Variants in OTOP1 observed in about 807,000 individuals in gnomAD.
The protein encoded by OTOP1 is otopetrin 1.
OTOP1 carries 59 observed loss-of-function variants against 52.9 expected under a neutral mutation model. The observed-to-expected ratio is 1.12, with a 90% CI of 0.91 to 1.39. OTOP1 has a LOEUF of 1.39. Ranked by LOEUF, OTOP1 falls within the 40% of genes most tolerant of loss-of-function variation. The pLI, the probability that OTOP1 is intolerant of heterozygous loss-of-function variation, is 0.00. For missense variants in OTOP1, 761 were observed against 800.9 expected (o/e 0.95, Z 0.60); for synonymous variants, 317 against 337.7 (o/e 0.94, Z 0.67).
intron 5 of OTOP1, among the ~76,000 whole-genome samples, 168 bp downstream of exon 5, chr4:4,196,998 C>T (rs1716648949): frequency 2.6e-5 from 4 of 152,150 alleles, no homozygotes; most frequent in African/African-American, 9.7e-5. Context: ...GGGTGAAAAA[C>T]TACCTATCGG....
chr4:4,214,785 G>A (rs1273025273), intron 1 of OTOP1, among the ~76,000 whole-genome samples: 1 of 152,106 alleles, frequency 6.6e-6, no homozygotes, highest in South Asian at 2.1e-4. Flanking sequence ...GTGGTTGCCA[G>A]GTGCTAGAGG....
Position 4,197,458 on chromosome 4 carries a change from TG to T in OTOP1, c.1375del (p.Gln459LysfsTer47), listed in dbSNP as rs1560205473. ...REPEKLSEDI[Q>X]TLRVVTVCNG... The stretch of plus-strand genomic sequence containing the variant: ...GCAGACTGTGACCACCCGAAGGGTT[TG>T]GATGTCCTCAGAGAGTTTTTCAGGC... On this transcript the variant is annotated frameshift_variant, in exon 5 of 6. Coordinates refer to ENST00000296358, the MANE Select transcript of OTOP1 (RefSeq NM_177998.3). LOFTEE classifies it high-confidence loss of function. The T allele has an allele frequency of 1.9e-6, 3 of 1,613,982 alleles. No homozygotes were observed. The East Asian group carries it at 6.7e-5, about 36-fold the overall frequency.
chr4:4,204,894 C>T (rs1452038612), intron 3 of OTOP1, among the ~76,000 whole-genome samples: 10 of 152,216 alleles, frequency 6.6e-5, no homozygotes, highest in South Asian at 4.2e-4. Context: ...CCTGAGCCTC[C>T]GGAGTAGCTG....
At chr4:4,215,868 A>C (rs1167330278) in intron 1 of OTOP1, among the ~76,000 whole-genome samples, 1 of 152,026 alleles carries the variant, frequency 6.6e-6, no homozygotes, top group Non-Finnish European at 1.5e-5. Flanking sequence ...ATCTTGGCTC[A>C]CTGCAACTTC....
chr4:4,201,171 G>A (rs1447767626), intron 4 of OTOP1, among the ~76,000 whole-genome samples: 1 of 152,158 alleles, frequency 6.6e-6, no homozygotes, highest in African/African-American at 2.4e-5. Flanking sequence ...GCTCATGCCT[G>A]TAATCCCAAC....
chr4:4,198,189 G>A (rs1399554947), intron 4 of OTOP1, 86 bp from the exon 5 acceptor site: 7 of 1,183,272 alleles, frequency 5.9e-6, no homozygotes, highest in Non-Finnish European at 8.5e-6. Flanking sequence ...TTCCACCGTG[G>A]ATTCAGGCTT....
intron 2 of OTOP1, among the ~76,000 whole-genome samples, chr4:4,208,145 T>C (rs906178439): frequency 1.7e-4 from 26 of 152,342 alleles, no homozygotes; most frequent in Admixed American, 9.1e-4. Flanking sequence ...CTTTATCCTG[T>C]ACCTGTGAGG....
chr4:4,190,342 C>T (rs1424526575), intron 5 of OTOP1, among the ~76,000 whole-genome samples: 2 of 152,198 alleles, frequency 1.3e-5, no homozygotes, highest in Non-Finnish European at 2.9e-5. Context: ...GGTATGGCGG[C>T]ATGTGCCTGT....
Position 4,197,146 on chromosome 4 carries a change from A to G in OTOP1, c.1668+20T>C, listed in dbSNP as rs531128250. ...TTTAAAGTAAAATTAAAAGAATAAG[A>G]ATAACTTGGTGCAGATTACCGAAAT... On this transcript the variant is annotated intron_variant, in intron 5 of 5. Transcript: ENST00000296358. 1.8e-5 allele frequency: 28 copies of G among 1,573,660 alleles called. No homozygotes were observed. In the South Asian group the frequency reaches 3.2e-4, roughly 18 times the overall value.
At position 4,212,919 on chromosome 4, in the gene OTOP1, T is replaced by C. The variant is rs1717056597; in HGVS notation, c.489A>G (p.Ser163=). 1.2e-6 allele frequency: 2 copies of C among 1,614,174 alleles called. No homozygotes were observed. Among genetic ancestry groups the C allele is most frequent in the Admixed American group, 3.3e-5 (2 of 60,024 alleles). The part of the protein sequence containing the change: ...GYFIGFSECL[S]ATEGVFPVTH... ...TGACTGGGAAAACTCCTTCAGTGGC[T>C]GATAAACATTCTGAAAATCCAATGA... The change falls in exon 2 of 6, where the codon TCA becomes TCG. Residue 163 remains serine, a synonymous_variant. Transcript: ENST00000296358.
rs114833943 is a variant in OTOP1, at chr4:4,224,835, G to A, written c.403+1627C>T. Among the ~76,000 whole-genome samples, 573 of 129,100 alleles carry A rather than the reference G, an allele frequency of 4.4e-3. 2 individuals carry two copies. The highest frequency in any genetic ancestry group is 0.019 in the Middle Eastern group (5 of 260). 84.7% of individuals were successfully genotyped at this position (129,100 alleles called of 152,430 possible). On this transcript the variant is annotated intron_variant, in intron 1 of 5. Coordinates refer to ENST00000296358, the MANE Select transcript of OTOP1 (RefSeq NM_177998.3). The stretch of plus-strand genomic sequence containing the variant: ...GGACCAAAAGAGCTTTACAGAAAGG[G>A]GGCCATGGTGGCCCATAGAAGTGAG...
chr4:4,222,355 C>T (rs1036087143), intron 1 of OTOP1, among the ~76,000 whole-genome samples: 5 of 152,106 alleles, frequency 3.3e-5, no homozygotes, highest in African/African-American at 1.2e-4. Flanking sequence ...CTGACAGGTG[C>T]AAGGCAGCAG....
At chr4:4,194,401 C>T (rs1404897919) in intron 5 of OTOP1, among the ~76,000 whole-genome samples, 9 of 152,204 alleles carry the variant, frequency 5.9e-5, no homozygotes, top group African/African-American at 2.2e-4. Context: ...ACAGCAGTTT[C>T]CTGGCAAATG....
At chr4:4,223,438 GA>G (rs370879316) in intron 1 of OTOP1, among the ~76,000 whole-genome samples, 5,783 of 151,920 alleles carry the variant, frequency 0.038, 147 homozygotes, top group African/African-American at 0.062. Context: ...TGGATGGATG[GA>G]TGGATGATGA....
intron 2 of OTOP1, among the ~76,000 whole-genome samples, chr4:4,211,669 G>A (rs1417210788): frequency 2.0e-5 from 3 of 152,168 alleles, no homozygotes; most frequent in Non-Finnish European, 2.9e-5. Context: ...GGAGACTGAG[G>A]CAGGTGGATC....
Position 4,199,625 on chromosome 4 carries a change from C to G in OTOP1, c.731-1522G>C, listed in dbSNP as rs1357039931. Among the ~76,000 whole-genome samples, 3 of 152,134 alleles carry G rather than the reference C, an allele frequency of 2.0e-5. No homozygotes were observed. The East Asian group carries it at 5.8e-4, about 29-fold the overall frequency. On this transcript the variant is annotated intron_variant, in intron 4 of 5. Coordinates refer to ENST00000296358, the MANE Select transcript of OTOP1 (RefSeq NM_177998.3). The stretch of plus-strand genomic sequence containing the variant: ...ACAGGGTTCCGCCACGTTGGCTAGG[C>G]TGGTCTTGAACTCCTGAGCTCATGA...
intron 3 of OTOP1, among the ~76,000 whole-genome samples, chr4:4,203,082 C>T (rs1233060771): frequency 1.3e-5 from 2 of 152,370 alleles, no homozygotes; most frequent in Middle Eastern, 6.8e-3. Context: ...TGAAACAAGC[C>T]AGAGACTACT....
chr4:4,222,494 T>C (rs1010940121), intron 1 of OTOP1, among the ~76,000 whole-genome samples: 1 of 152,210 alleles, frequency 6.6e-6, no homozygotes, highest in African/African-American at 2.4e-5. Flanking sequence ...ACACACAGTC[T>C]GATTTCCTTT....
intron 3 of OTOP1, among the ~76,000 whole-genome samples, 181 bp downstream of exon 3, chr4:4,205,891 T>G (rs1291540265): frequency 6.6e-6 from 1 of 152,170 alleles, no homozygotes; most frequent in Non-Finnish European, 1.5e-5. Flanking sequence ...TCTGGACCTG[T>G]CCCATGGAGA....
Sources: gnomAD v4.1 joint callset for allele counts (sites outside exome capture counted in the v4.1 genomes callset) on GRCh38, gnomAD v4.1.1 for gene constraint, MANE v1.5 for transcripts, NCBI Gene and HGNC (gene_info 2026-07-23, HGNC 2026-07-21) for gene names.